SIK3: variants seen among roughly 807,000 people sequenced by gnomAD.
The protein encoded by SIK3 is serine/threonine-protein kinase SIK3.
Under a neutral mutation model 144.2 loss-of-function variants are expected in SIK3, and 28 were observed. The ratio of observed to expected loss-of-function variants is 0.19; its 90% CI spans 0.14 to 0.27. The LOEUF (loss-of-function observed/expected upper bound fraction) is 0.27, where lower values mean the gene tolerates loss of function less well. Ranked by LOEUF, SIK3 falls within the 10% of genes least tolerant of loss-of-function variation. The probability of loss-of-function intolerance (pLI) is 1.00; values close to 1 mark genes in which losing one functional copy is unlikely to be tolerated. For missense variants in SIK3, 1,319 were observed against 1,776.0 expected (o/e 0.74, Z 4.62); for synonymous variants, 686 against 676.3 (o/e 1.01, Z -0.22).
intron 4 of SIK3, among the ~76,000 whole-genome samples, chr11:116,925,393 G>A (rs1947221454): frequency 6.6e-6 from 1 of 152,226 alleles, no homozygotes; most frequent in Non-Finnish European, 1.5e-5. Flanking sequence ...GGAAGCCACA[G>A]GTTGGAGTGA....
At chr11:116,862,018 T>A (rs184038807) in intron 17 of SIK3, 92 bp from the exon 18 acceptor site, 45 of 1,240,498 alleles carry the variant, frequency 3.6e-5, no homozygotes, top group Middle Eastern at 4.7e-4. Context: ...GAAAGAACTA[T>A]CTGTGTCTCA....
At chr11:116,966,556 A>T (rs78730265) in intron 1 of SIK3, among the ~76,000 whole-genome samples, 7,413 of 152,250 alleles carry the variant, frequency 0.049, 604 homozygotes, top group African/African-American at 0.17. Flanking sequence ...TTAAGTGCTT[A>T]TGCATAGAAT....
intron 1 of SIK3, among the ~76,000 whole-genome samples, chr11:117,002,423 T>C (rs1950889111): frequency 6.6e-6 from 1 of 152,094 alleles, no homozygotes; most frequent in South Asian, 2.1e-4. Context: ...AGCCCTTAAG[T>C]AGGCTGAACT....
At chr11:116,946,012 A>C (rs906305482) in intron 3 of SIK3, among the ~76,000 whole-genome samples, 3 of 152,128 alleles carry the variant, frequency 2.0e-5, no homozygotes, top group African/African-American at 7.2e-5. Flanking sequence ...CTACCTAAAA[A>C]ATTGCCTACA....
intron 1 of SIK3, among the ~76,000 whole-genome samples, chr11:117,031,840 C>A (rs1952278479): frequency 6.6e-6 from 1 of 151,736 alleles, no homozygotes; most frequent in Non-Finnish European, 1.5e-5. Flanking sequence ...CCGCACCAGG[C>A]CAGCATTTAT....
intron 1 of SIK3, among the ~76,000 whole-genome samples, chr11:117,084,575 G>A (rs1379787273): frequency 1.3e-5 from 2 of 151,982 alleles, no homozygotes; most frequent in African/African-American, 4.8e-5. Context: ...CCAGCCTCCC[G>A]TTATTAAGTT....
At chr11:116,888,173 C>T (rs1591230235) in intron 6 of SIK3, among the ~76,000 whole-genome samples, 1 of 152,224 alleles carries the variant, frequency 6.6e-6, no homozygotes, top group Non-Finnish European at 1.5e-5. Flanking sequence ...TCATTTAGAA[C>T]ACTATACCAG....
intron 15 of SIK3, among the ~76,000 whole-genome samples, chr11:116,865,298 A>G (rs1157435711): frequency 6.6e-6 from 1 of 152,134 alleles, no homozygotes; most frequent in Non-Finnish European, 1.5e-5. Context: ...CACAAAAATA[A>G]TTCTCTCCCA....
At chr11:116,908,777 T>G (rs568097733) in intron 4 of SIK3, among the ~76,000 whole-genome samples, 1 of 152,278 alleles carries the variant, frequency 6.6e-6, no homozygotes, top group Non-Finnish European at 1.5e-5. Flanking sequence ...TAACAAGCAC[T>G]GGAGAGGACA....
At chr11:117,048,873 C>T (rs1290657979) in intron 1 of SIK3, among the ~76,000 whole-genome samples, 3 of 152,052 alleles carry the variant, frequency 2.0e-5, no homozygotes, top group Non-Finnish European at 2.9e-5. Context: ...GAAGCTGAGG[C>T]ATGTGGATCA....
intron 3 of SIK3, among the ~76,000 whole-genome samples, chr11:116,949,116 G>GA (rs112297132): frequency 0.16 from 24,511 of 152,070 alleles, 2,083 homozygotes; most frequent in Admixed American, 0.21. Flanking sequence ...TGCTTAGAGA[G>GA]AAATTTATAG....
intron 20 of SIK3, among the ~76,000 whole-genome samples, 153 bp downstream of exon 20, chr11:116,859,111 TC>T (rs1003026304): frequency 4.6e-5 from 7 of 152,186 alleles, no homozygotes; most frequent in African/African-American, 1.7e-4. Flanking sequence ...ACAAGTTCAT[TC>T]CAAACCCAGC....
At chr11:116,883,110 T>C (rs1008644632) in intron 6 of SIK3, among the ~76,000 whole-genome samples, 1 of 152,190 alleles carries the variant, frequency 6.6e-6, no homozygotes, top group Non-Finnish European at 1.5e-5. Flanking sequence ...AGTGATGCTA[T>C]TATAGCAAAC....
At chr11:117,072,752 T>C (rs377320903) in intron 1 of SIK3, among the ~76,000 whole-genome samples, 4 of 152,356 alleles carry the variant, frequency 2.6e-5, no homozygotes, top group South Asian at 4.1e-4. Flanking sequence ...CAGTGACTAA[T>C]GCTGAGTCAC....
intron 1 of SIK3, among the ~76,000 whole-genome samples, chr11:116,977,236 C>G (rs1490431602): frequency 1.4e-5 from 2 of 145,876 alleles, no homozygotes; most frequent in East Asian, 4.1e-4. Context: ...CCCTCCCTCC[C>G]TCCCTCCCTC....
chr11:116,875,278 G>A lies in SIK3; in HGVS notation c.1318-11C>T, dbSNP rs778385762. ...CAGTGTCCCATCCGGCTGAGGTGGA[G>A]GGAAACACCATCGAGTTAGAAATCA... On this transcript the variant is annotated splice_polypyrimidine_tract_variant and intron_variant, in intron 10 of 24. Coordinates refer to ENST00000445177, the MANE Select transcript of SIK3 (RefSeq NM_001366686.3). 1.8e-5 allele frequency: 29 copies of A among 1,613,602 alleles called. No homozygotes were observed. The highest frequency in any genetic ancestry group is 5.0e-5 in the Admixed American group (3 of 59,988).
chr11:116,989,048 T>G (rs1950415105), intron 1 of SIK3, among the ~76,000 whole-genome samples: 1 of 152,026 alleles, frequency 6.6e-6, no homozygotes, highest in Non-Finnish European at 1.5e-5. Context: ...AGGAGTATTC[T>G]CCTGTATTTG....
In SIK3 at chr11:117,084,770, T is replaced by C. The variant is rs568971118; in HGVS notation, c.273+13373A>G. ...AAATTAGACGTGAATGAGATGAGTATAAAAGACTGGGAAGGAGTCATAAAA... is the reference window on the plus strand; with the variant it reads ...AAATTAGACGTGAATGAGATGAGTACAAAAGACTGGGAAGGAGTCATAAAA... On this transcript the variant is annotated intron_variant, in intron 1 of 24. Transcript: ENST00000445177. Among the ~76,000 whole-genome samples, 66 of 152,234 alleles carry C rather than the reference T, an allele frequency of 4.3e-4. 1 individual carries two copies. The highest frequency in any genetic ancestry group is 6.8e-3 in the Middle Eastern group (2 of 294).
At chr11:116,974,153 A>C (rs1174518626) in intron 1 of SIK3, among the ~76,000 whole-genome samples, 2 of 152,220 alleles carry the variant, frequency 1.3e-5, no homozygotes, top group Non-Finnish European at 2.9e-5. Flanking sequence ...TACACATCTA[A>C]AGCTATTCTA....
Sources: allele counts gnomAD v4.1 joint callset (sites outside exome capture counted in the v4.1 genomes callset), GRCh38; gene constraint gnomAD v4.1.1; transcripts MANE v1.5; gene names NCBI Gene and HGNC (gene_info 2026-07-23, HGNC 2026-07-21).